Variants in ZDHHC21 observed in about 807,000 individuals in gnomAD.
ZDHHC21 encodes zDHHC palmitoyltransferase 21.
In ZDHHC21, 15 loss-of-function variants were observed where a neutral mutation model predicts 34.6. That is an observed-to-expected ratio of 0.43 (90% CI 0.29 to 0.67). ZDHHC21 has a LOEUF of 0.67. Among genes scored for constraint, ZDHHC21 ranks in the 30% least tolerant of loss-of-function variants. ZDHHC21 has a pLI of 0.14. For synonymous variants in ZDHHC21, 142 were observed against 101.8 expected (o/e 1.40, Z -2.38); for missense variants, 344 against 327.7 (o/e 1.05, Z -0.38).
chr9:14,607,673 A>C (rs778388093), downstream of ZDHHC21, among the ~76,000 whole-genome samples: 10 of 152,062 alleles, frequency 6.6e-5, no homozygotes, highest in Non-Finnish European at 1.3e-4. Context: ...TGGAAGGGTT[A>C]TGTAAATTTT....
chr9:14,678,497 T>C (rs890302189), intron 3 of ZDHHC21, among the ~76,000 whole-genome samples: 12 of 152,056 alleles, frequency 7.9e-5, no homozygotes, highest in Non-Finnish European at 1.3e-4. Flanking sequence ...ATCTACTGTA[T>C]TGAAAAACTT....
At chr9:14,632,445 G>C (rs1422728775) in intron 8 of ZDHHC21, among the ~76,000 whole-genome samples, 1 of 151,850 alleles carries the variant, frequency 6.6e-6, no homozygotes, top group Non-Finnish European at 1.5e-5. Context: ...ACAAAAATTA[G>C]CTCAAAATGA....
At chr9:14,665,636 T>A (rs1386339554) in intron 5 of ZDHHC21, among the ~76,000 whole-genome samples, 3 of 141,646 alleles carry the variant, frequency 2.1e-5, no homozygotes, top group East Asian at 2.2e-4. Context: ...CCCATCAGAC[T>A]AACAGCGGAT....
At chr9:14,595,582 A>G in the ZDHHC21 span, among the ~76,000 whole-genome samples, 2 of 152,222 alleles carry the variant, frequency 1.3e-5, no homozygotes, top group African/African-American at 4.8e-5. Context: ...AAAATATTCA[A>G]TTGTGCACAA....
intron 7 of ZDHHC21, among the ~76,000 whole-genome samples, chr9:14,651,507 C>A (rs541703221): frequency 6.6e-6 from 1 of 151,892 alleles, no homozygotes; most frequent in South Asian, 2.1e-4. Flanking sequence ...AGTTACCTTA[C>A]CTGTAAGATG....
chr9:14,605,787 CT>C, the ZDHHC21 span, among the ~76,000 whole-genome samples: 1 of 152,148 alleles, frequency 6.6e-6, no homozygotes, highest in African/African-American at 2.4e-5. Flanking sequence ...CCTATGTTTT[CT>C]TTTAGGAGTT....
chr9:14,614,635 A>C lies in ZDHHC21; in HGVS notation c.*4331T>G, dbSNP rs986854140. 1 of 151,768 alleles carries C rather than the reference A, an allele frequency of 6.6e-6. No individual in the cohort carries two copies. The highest frequency in any genetic ancestry group is 6.6e-5 in the Admixed American group (1 of 15,188). The allele number at this position is 151,768 out of a possible 1,614,324, so 9.4% of individuals were successfully genotyped here. ...ACAATGAAATCTGTGATTTATAATA[A>C]ATTCAGAGGATGATTTCTAGAATAA... On this transcript the variant is annotated 3_prime_UTR_variant, in exon 10 of 10. Transcript: ENST00000380916.
intron 8 of ZDHHC21, among the ~76,000 whole-genome samples, chr9:14,628,983 C>A (rs933864857): frequency 1.3e-5 from 2 of 152,050 alleles, no homozygotes; most frequent in African/African-American, 4.8e-5. Flanking sequence ...AAGGGTAACG[C>A]TTGAGGTTCA....
intron 2 of ZDHHC21, among the ~76,000 whole-genome samples, chr9:14,683,364 G>T (rs908870694): frequency 6.6e-6 from 1 of 152,028 alleles, no homozygotes; most frequent in African/African-American, 2.4e-5. Flanking sequence ...ATGATAAAGA[G>T]GATATCACCA....
intron 7 of ZDHHC21, among the ~76,000 whole-genome samples, chr9:14,655,128 A>G (rs1564307853): frequency 6.6e-6 from 1 of 152,078 alleles, no homozygotes; most frequent in Non-Finnish European, 1.5e-5. Flanking sequence ...AAAGAAAAAC[A>G]TATTTCATTG....
chr9:14,628,081 T>A (rs1826628728), intron 8 of ZDHHC21, among the ~76,000 whole-genome samples: 1 of 152,198 alleles, frequency 6.6e-6, no homozygotes, highest in South Asian at 2.1e-4. Flanking sequence ...AACGTATATT[T>A]AAATCCTGTT....
At chr9:14,594,967 C>T in the ZDHHC21 span, among the ~76,000 whole-genome samples, 110 of 151,992 alleles carry the variant, frequency 7.2e-4, no homozygotes, top group Middle Eastern at 0.017. Flanking sequence ...AAATTAAAAC[C>T]GCAATGAAAT....
At chr9:14,635,984 AAAAAG>A (rs1361617209) in intron 8 of ZDHHC21, among the ~76,000 whole-genome samples, 2 of 152,344 alleles carry the variant, frequency 1.3e-5, no homozygotes, top group South Asian at 2.1e-4. Flanking sequence ...ACAATAAAAG[AAAAAG>A]AAAAGTACAA....
chr9:14,659,036 T>C (rs9298702), intron 6 of ZDHHC21, 149 bp from the exon 7 acceptor site: 188,598 of 700,576 alleles, frequency 0.27, 28,260 homozygotes, highest in East Asian at 0.34. Context: ...AAACAAACTA[T>C]ACAGAGAAAA....
the ZDHHC21 span, among the ~76,000 whole-genome samples, chr9:14,604,000 G>C: frequency 6.6e-6 from 1 of 152,102 alleles, no homozygotes; most frequent in Admixed American, 6.6e-5. Flanking sequence ...TATTTACAAA[G>C]ACTTTTTCCA....
intron 8 of ZDHHC21, chr9:14,622,836 G>T: frequency 1.7e-6 from 1 of 604,548 alleles, no homozygotes; most frequent in Non-Finnish European, 2.1e-6. Flanking sequence ...CTGCAGACCT[G>T]AGGAAAGTAA....
chr9:14,690,209 C>T (rs1363730788), intron 2 of ZDHHC21, 128 bp downstream of exon 2: 1 of 345,098 alleles, frequency 2.9e-6, no homozygotes, highest in African/African-American at 2.2e-5. Context: ...CTTCTAGTAC[C>T]CACCACACCA....
rs890564886 is a variant in ZDHHC21 at position 14,663,472 on chromosome 9, CT to C, written c.254-1147del. ...ATAATAGTAGACAATATTCAATTTT[CT>C]TTTTTTTTTCAGATTACAGATTTTT... On this transcript the variant is annotated intron_variant, in intron 5 of 9. Transcript: ENST00000380916. Among the ~76,000 whole-genome samples the C allele has an allele frequency of 1.6e-3, 195 of 123,714 alleles. 1 individual carries two copies. Among genetic ancestry groups the C allele is most frequent in the Middle Eastern group, 4.5e-3 (1 of 220 alleles). The allele number at this position is 123,714 out of a possible 152,430, so 81.2% of individuals were successfully genotyped here. A position where few individuals can be genotyped will look rare whatever the true frequency, so the allele number is the denominator to read the frequency against.
intron 5 of ZDHHC21, among the ~76,000 whole-genome samples, chr9:14,667,405 A>T (rs1053028194): frequency 5.3e-5 from 8 of 152,136 alleles, no homozygotes; most frequent in Admixed American, 5.2e-4. Context: ...ATTCACAGCC[A>T]AATTCTACCA....
Sources: allele counts gnomAD v4.1 joint callset (sites outside exome capture counted in the v4.1 genomes callset), GRCh38; gene constraint gnomAD v4.1.1; transcripts MANE v1.5; gene names NCBI Gene and HGNC (gene_info 2026-07-23, HGNC 2026-07-21).